Variants in FAM110C observed in about 807,000 individuals in gnomAD.
FAM110C encodes the protein protein FAM110C.
A neutral mutation model predicts 15.7 loss-of-function variants in FAM110C; 19 were observed. The observed-to-expected ratio is 1.21, with a 90% confidence interval of 0.85 to 1.78. The LOEUF is 1.78. Among genes scored for constraint, FAM110C ranks in the 40% most tolerant of loss-of-function variants. The pLI is 0.00. For missense variants in FAM110C, 547 were observed against 495.7 expected (o/e 1.10, Z -0.98); for synonymous variants, 275 against 233.9 (o/e 1.18, Z -1.61).
At chr2:42,331 C>T (rs1664148785) in intron 1 of FAM110C, 1 of 985,250 alleles carries the variant, frequency 1.0e-6, no homozygotes, top group African/African-American at 1.7e-5. Context: ...AACATTTTTG[C>T]CTTGAAATTA....
intron 1 of FAM110C, chr2:44,764 T>G: frequency 1.9e-5 from 19 of 985,426 alleles, no homozygotes; most frequent in Non-Finnish European, 2.3e-5. Flanking sequence ...AACTATAGAC[T>G]CTAGTTACAA....
chr2:46,237 C>A lies in FAM110C; in HGVS notation c.149G>T (p.Gly50Val). 1 of 1,412,226 alleles carries A rather than the reference C, an allele frequency of 7.1e-7. No individual in the cohort carries two copies. The highest frequency in any genetic ancestry group is 9.2e-7 in the Non-Finnish European group (1 of 1,087,300). The allele number at this position is 1,412,226 out of a possible 1,614,324, so 87.5% of individuals were successfully genotyped here. Residue 50 changes from glycine (G) to valine (V), a missense_variant, in exon 1 of 2, where the codon GGT (glycine) becomes GTT (valine). Coordinates refer to ENST00000327669, the MANE Select transcript of FAM110C (RefSeq NM_001077710.3). Reference protein sequence around the residue: ...LAADRAKYVRGRPGTGRGVAS... With the variant: ...LAADRAKYVRVRPGTGRGVAS... ...GACGCCCCGGCCAGTCCCCGGCCGACCCCGCACATACTTGGCGCGATCCGC... is the reference window on the plus strand; with the variant it reads ...GACGCCCCGGCCAGTCCCCGGCCGAACCCGCACATACTTGGCGCGATCCGC...
chr2:39,273 T>A lies in FAM110C; in HGVS notation c.*2335A>T, dbSNP rs1664065727. 1 of 152,160 alleles carries A rather than the reference T, an allele frequency of 6.6e-6. No individual in the cohort carries two copies. Among genetic ancestry groups the A allele is most frequent in the Admixed American group, 6.5e-5 (1 of 15,272 alleles). The allele number at this position is 152,160 out of a possible 1,614,324, so 9.4% of individuals were successfully genotyped here. A position where few individuals can be genotyped will look rare whatever the true frequency, so the allele number is the denominator to read the frequency against. On this transcript the variant is annotated 3_prime_UTR_variant, in exon 2 of 2. Transcript: ENST00000327669. ...CTTTAGTTTTACTTTTTATATATAT[T>A]TTTAGAGACAGGGTCTTGCTCTGTC...
chr2:42,878 A>G lies in FAM110C; in HGVS notation c.947-1251T>C. On this transcript the variant is annotated intron_variant, in intron 1 of 1. Coordinates refer to ENST00000327669, the MANE Select transcript of FAM110C (RefSeq NM_001077710.3). ...ATGAATCCTTATAAATTTCAGCAGA[A>G]AAAGCACAGCTTAAATTCCTGCTTC... The G allele has an allele frequency of 8.1e-6, 8 of 985,498 alleles. No individual in the cohort carries two copies. The South Asian group carries it at 2.8e-4, about 35-fold the overall frequency. 61.0% of individuals were successfully genotyped at this position (985,498 alleles called of 1,614,324 possible).
Position 43,950 on chromosome 2 carries a change from G to A in FAM110C, c.946+1490C>T, listed in dbSNP as rs1664203121. The A allele has an allele frequency of 3.0e-6, 3 of 985,270 alleles. No homozygotes were observed. The South Asian group carries it at 1.4e-4, about 46-fold the overall frequency. 61.0% of individuals were successfully genotyped at this position (985,270 alleles called of 1,614,324 possible). A position where few individuals can be genotyped will look rare whatever the true frequency, so the allele number is the denominator to read the frequency against. ...TATCTCCCTTCTTTTTATGGACAAA[G>A]GACGCCTGGTCTATAGTGCAGGAAT... is the stretch of plus-strand genomic sequence containing the variant. On this transcript the variant is annotated intron_variant, in intron 1 of 1. Coordinates refer to ENST00000327669, the MANE Select transcript of FAM110C (RefSeq NM_001077710.3).
rs1298241591 is a variant in FAM110C at position 39,099 on chromosome 2, A to G, written c.*2509T>C. ...CATTTTGAAAAATTGTCGTTCTTTC[A>G]TGAACAAATAAAAGTACCTTGCAGC... is the stretch of plus-strand genomic sequence containing the variant. On this transcript the variant is annotated 3_prime_UTR_variant, in exon 2 of 2. Transcript: ENST00000327669. 6.6e-6 allele frequency: 1 copy of G among 152,210 alleles called. No homozygotes were observed. The highest frequency in any genetic ancestry group is 1.5e-5 in the Non-Finnish European group (1 of 68,038). The allele number at this position is 152,210 out of a possible 1,614,324, so 9.4% of individuals were successfully genotyped here.
chr2:45,362 C>A (rs370485473), intron 1 of FAM110C, 78 bp downstream of exon 1: 4 of 1,508,106 alleles, frequency 2.7e-6, no homozygotes, highest in East Asian at 4.6e-5. Context: ...AACTGGCCAT[C>A]GCCCAGCTCG....
At chr2:41,878 T>G in intron 1 of FAM110C, 4 of 985,424 alleles carry the variant, frequency 4.1e-6, no homozygotes, top group Non-Finnish European at 4.8e-6. Context: ...GCTTTAAAAA[T>G]TTCTCTTTGC....
rs947188363 is a variant in FAM110C, at chr2:41,149, A to G, written c.*459T>C. 1 of 155,256 alleles carries G rather than the reference A, an allele frequency of 6.4e-6. No individual in the cohort carries two copies. Among genetic ancestry groups the G allele is most frequent in the Non-Finnish European group, 1.4e-5 (1 of 70,244 alleles). 9.6% of individuals were successfully genotyped at this position (155,256 alleles called of 1,614,324 possible). A position where few individuals can be genotyped will look rare whatever the true frequency, so the allele number is the denominator to read the frequency against. Reference sequence around the variant, plus strand: ...TTTGACCACATAATTGAAGTAGAATATGCCTTTTTATGATTACTTTGATTT... The same window carrying G: ...TTTGACCACATAATTGAAGTAGAATGTGCCTTTTTATGATTACTTTGATTT... On this transcript the variant is annotated 3_prime_UTR_variant, in exon 2 of 2. Coordinates refer to ENST00000327669, the MANE Select transcript of FAM110C (RefSeq NM_001077710.3).
In FAM110C at chr2:46,041, G is replaced by C; in HGVS notation, c.345C>G (p.Ala115=). Reference sequence around the variant, plus strand: ...TCACCAGGCTTGCCCTGGGGCCGTCGGCGCCCGATCCTCGCACGAATTCGC... The same window carrying C: ...TCACCAGGCTTGCCCTGGGGCCGTCCGCGCCCGATCCTCGCACGAATTCGC... The part of the protein sequence containing the change: ...QKCEFVRGSG[A]DGPRASLVKK... Residue 115 remains alanine, a synonymous_variant, in exon 1 of 2, where the codon GCC becomes GCG. Transcript: ENST00000327669. The C allele has an allele frequency of 2.0e-6, 3 of 1,514,936 alleles. No homozygotes were observed. The highest frequency in any genetic ancestry group is 2.6e-6 in the Non-Finnish European group (3 of 1,137,690). 93.8% of individuals were successfully genotyped at this position (1,514,936 alleles called of 1,614,324 possible).
rs935184063 is a variant in FAM110C, at chr2:42,207, A to G, written c.947-580T>C. On this transcript the variant is annotated intron_variant, in intron 1 of 1. Coordinates refer to ENST00000327669, the MANE Select transcript of FAM110C (RefSeq NM_001077710.3). ...GATGTCCCGGGTTTATTTTTTCTGC[A>G]TCTTTGCAAATATGAGACACAACTC... 3.3e-5 allele frequency: 33 copies of G among 985,306 alleles called. 1 individual carries two copies. The highest frequency in any genetic ancestry group is 1.2e-5 in the Non-Finnish European group (10 of 829,924). The allele number at this position is 985,306 out of a possible 1,614,324, so 61.0% of individuals were successfully genotyped here.
intron 1 of FAM110C, chr2:44,167 T>C (rs1016373714): frequency 1.8e-5 from 18 of 985,318 alleles, no homozygotes; most frequent in Non-Finnish European, 2.2e-5. Context: ...TAATGTTTGT[T>C]TGCTTTTTAG....
At chr2:45,267 G>A (rs878877744) in intron 1 of FAM110C, 173 bp downstream of exon 1, 2 of 985,370 alleles carry the variant, frequency 2.0e-6, no homozygotes, top group Non-Finnish European at 1.2e-6. Flanking sequence ...TCAGCAGCGG[G>A]GGCTCAACTC....
chr2:44,835 A>G, intron 1 of FAM110C: 1 of 985,452 alleles, frequency 1.0e-6, no homozygotes, highest in South Asian at 4.7e-5. Flanking sequence ...AATAAAATTT[A>G]GCCAAATAAA....
chr2:45,788 A>G lies in FAM110C; in HGVS notation c.598T>C (p.Ser200Pro). Residue 200 changes from serine to proline, a missense_variant, in exon 1 of 2, where the codon TCA (serine) becomes CCA (proline). Physicochemically the swap from Ser to Pro is moderately conservative, Grantham distance 74. Transcript: ENST00000327669. Reference protein sequence around the residue: ...RVVRRRGLQRSQSDLSSRYSA... With the variant: ...RVVRRRGLQRPQSDLSSRYSA... ...TAGCGGGAGCTGAGGTCCGACTGTG[A>G]GCGCTGCAGCCCCCGACGCCTCACC... 6.4e-7 allele frequency: 1 copy of G among 1,560,422 alleles called. No individual in the cohort carries two copies. The highest frequency in any genetic ancestry group is 1.2e-5 in the South Asian group (1 of 85,416).
chr2:45,202 A>G, intron 1 of FAM110C: 7 of 985,452 alleles, frequency 7.1e-6, no homozygotes, highest in Non-Finnish European at 8.4e-6. Flanking sequence ...AGCCAGACGC[A>G]GCAGACTCCT....
rs1000087901 is a variant in FAM110C at position 38,881 on chromosome 2, T to G, written c.*2727A>C. On this transcript the variant is annotated 3_prime_UTR_variant, in exon 2 of 2. Transcript: ENST00000327669. ...TACAATATTGCACTCCAGTTGCAAA[T>G]AGTGTATAGAAAAAGCTCTGTTTAG... 1.3e-5 allele frequency: 2 copies of G among 152,236 alleles called. No individual in the cohort carries two copies. Among genetic ancestry groups the G allele is most frequent in the Admixed American group, 1.3e-4 (2 of 15,286 alleles). The allele number at this position is 152,236 out of a possible 1,614,324, so 9.4% of individuals were successfully genotyped here.
chr2:42,433 C>A (rs1287392355), intron 1 of FAM110C: 3 of 522,488 alleles, frequency 5.7e-6, no homozygotes, highest in Non-Finnish European at 7.4e-6. Flanking sequence ...AACAGAAAAC[C>A]AGAAAGATCT....
intron 1 of FAM110C, chr2:45,095 G>T: frequency 1.0e-6 from 1 of 985,398 alleles, no homozygotes; most frequent in Non-Finnish European, 1.2e-6. Flanking sequence ...AATACTAGGG[G>T]TGTAAAACTG....
Sources: allele counts gnomAD v4.1 joint callset, GRCh38; gene constraint gnomAD v4.1.1; transcripts MANE v1.5; gene names NCBI Gene and HGNC (gene_info 2026-07-23, HGNC 2026-07-21).